Variants in SETBP1 observed in about 807,000 individuals in gnomAD.
The protein encoded by SETBP1 is SET binding protein 1.
A neutral mutation model predicts 101.0 loss-of-function variants in SETBP1; 9 were observed. The ratio of observed to expected loss-of-function variants is 0.09; its 90% CI spans 0.05 to 0.16. The LOEUF (loss-of-function observed/expected upper bound fraction) is 0.16, where lower values mean the gene tolerates loss of function less well. SETBP1 is among the 10% of genes least tolerant of loss of function. The probability of loss-of-function intolerance (pLI) is 1.00; values close to 1 mark genes in which losing one functional copy is unlikely to be tolerated. For synonymous variants in SETBP1, 818 were observed against 788.5 expected, an observed-to-expected ratio of 1.04 and a Z score of -0.63; for missense variants, 1,858 against 2,033.8, an observed-to-expected ratio of 0.91 and a Z score of 1.66.
intron 3 of SETBP1, among the ~76,000 whole-genome samples, chr18:44,874,005 C>G (rs1417457160): frequency 6.6e-6 from 1 of 152,202 alleles, no homozygotes; most frequent in African/African-American, 2.4e-5. Flanking sequence ...ACAGTCAGCT[C>G]TGCACCCCAG....
intron 2 of SETBP1, among the ~76,000 whole-genome samples, chr18:44,814,029 C>G (rs2071920883): frequency 6.6e-6 from 1 of 152,130 alleles, no homozygotes; most frequent in Admixed American, 6.5e-5. Context: ...GGCCCTTGCC[C>G]TCCAGAAACC....
At chr18:45,023,151 T>G (rs1163055756) in intron 4 of SETBP1, among the ~76,000 whole-genome samples, 1 of 152,242 alleles carries the variant, frequency 6.6e-6, no homozygotes, top group Non-Finnish European at 1.5e-5. Flanking sequence ...TTGTGGTATC[T>G]ATGTTAACAT....
chr18:44,720,752 G>A (rs1030981644), intron 2 of SETBP1, among the ~76,000 whole-genome samples: 2 of 152,170 alleles, frequency 1.3e-5, no homozygotes, highest in African/African-American at 4.8e-5. Flanking sequence ...CTTGAACACT[G>A]TGCAGAGGGC....
chr18:44,963,977 C>A (rs1047816871), intron 4 of SETBP1, among the ~76,000 whole-genome samples: 3 of 90,088 alleles, frequency 3.3e-5, no homozygotes, highest in South Asian at 3.3e-4. Flanking sequence ...ATTAAGAGAT[C>A]CATGAAAAAA....
chr18:44,836,548 C>T (rs190625533), intron 2 of SETBP1, among the ~76,000 whole-genome samples: 2 of 152,358 alleles, frequency 1.3e-5, no homozygotes, highest in Admixed American at 1.3e-4. Flanking sequence ...TGAGTTCTGA[C>T]TCTTCCCTAG....
chr18:45,029,242 T>C (rs2073237749), intron 4 of SETBP1, among the ~76,000 whole-genome samples: 1 of 152,172 alleles, frequency 6.6e-6, no homozygotes, highest in Non-Finnish European at 1.5e-5. Context: ...CTAGCCAGTT[T>C]TCCCAGCACC....
intron 1 of SETBP1, among the ~76,000 whole-genome samples, chr18:44,687,800 T>A (rs1049986672): frequency 1.3e-5 from 2 of 151,976 alleles, no homozygotes; most frequent in Admixed American, 6.6e-5. Context: ...CTGGATGTCA[T>A]TTCTCCATGT....
At chr18:44,711,875 C>A (rs1774860135) in intron 2 of SETBP1, among the ~76,000 whole-genome samples, 1 of 152,068 alleles carries the variant, frequency 6.6e-6, no homozygotes, top group Non-Finnish European at 1.5e-5. Flanking sequence ...TTCCATAATA[C>A]CCCAGTGGAT....
intron 4 of SETBP1, among the ~76,000 whole-genome samples, chr18:44,962,672 G>A (rs1457224480): frequency 2.0e-5 from 3 of 152,226 alleles, no homozygotes; most frequent in African/African-American, 7.2e-5. Flanking sequence ...TAAGCTGCAT[G>A]TTGTAAATGC....
chr18:44,837,477 C>T (rs951302551), intron 2 of SETBP1, among the ~76,000 whole-genome samples: 1 of 152,092 alleles, frequency 6.6e-6, no homozygotes, highest in Non-Finnish European at 1.5e-5. Flanking sequence ...TATTTGATAA[C>T]GGATACAGGA....
chr18:44,703,397 C>CTTTTTTTTTTTTTTTTTTTTT (rs2069156147), intron 2 of SETBP1, among the ~76,000 whole-genome samples: 2 of 38,278 alleles, frequency 5.2e-5, no homozygotes, highest in Non-Finnish European at 1.0e-4. Flanking sequence ...TTTTTTTTAG[C>CTTTTTTTTTTTTTTTTTTTTT]TTTGGGGCAG....
intron 2 of SETBP1, among the ~76,000 whole-genome samples, chr18:44,868,704 A>AG (rs2069190789): frequency 1.0e-3 from 7 of 6,934 alleles, no homozygotes; most frequent in East Asian, 6.0e-3. Context: ...GAGAGGACGG[A>AG]AGGAAGGGAG....
At chr18:44,938,783 C>T (rs187091475) in intron 3 of SETBP1, among the ~76,000 whole-genome samples, 2 of 152,290 alleles carry the variant, frequency 1.3e-5, no homozygotes, top group East Asian at 3.9e-4. Context: ...GCCACCAGCA[C>T]CTGTCTTCTT....
At chr18:45,010,104 C>T (rs1163622325) in intron 4 of SETBP1, among the ~76,000 whole-genome samples, 4 of 152,282 alleles carry the variant, frequency 2.6e-5, no homozygotes, top group East Asian at 3.9e-4. Flanking sequence ...TTACTCCATG[C>T]GCTCTCCTGC....
intron 2 of SETBP1, among the ~76,000 whole-genome samples, chr18:44,717,835 A>G (rs2069499948): frequency 6.6e-6 from 1 of 152,230 alleles, no homozygotes. Context: ...ATAGAAGGTC[A>G]GAGAGGTTGA....
chr18:44,798,821 C>T (rs1299289470), intron 2 of SETBP1, among the ~76,000 whole-genome samples: 1 of 152,180 alleles, frequency 6.6e-6, no homozygotes, highest in Non-Finnish European at 1.5e-5. Flanking sequence ...ATAACTCTCG[C>T]TTATCTCCTA....
chr18:44,829,652 T>C lies in SETBP1; in HGVS notation c.487-39578T>C, dbSNP rs537373658. Among the ~76,000 whole-genome samples, 29 of 152,322 alleles carry C rather than the reference T, an allele frequency of 1.9e-4. No individual in the cohort carries two copies. In the South Asian group the frequency reaches 5.6e-3, roughly 29 times the overall value. ...TAAAAAATGTGGGAAAGGAACCTTATAGTAGAAATTAGTGGTCTGGTGCAA... is the reference window on the plus strand; with the variant it reads ...TAAAAAATGTGGGAAAGGAACCTTACAGTAGAAATTAGTGGTCTGGTGCAA... On this transcript the variant is annotated intron_variant, in intron 2 of 5. Transcript: ENST00000649279.
chr18:44,942,017 A>G (rs529297066), intron 3 of SETBP1, among the ~76,000 whole-genome samples: 78 of 152,170 alleles, frequency 5.1e-4, no homozygotes, highest in African/African-American at 1.8e-3. Flanking sequence ...GATATTGTGG[A>G]TGCTATATAA....
chr18:44,747,698 A>T (rs2070288990), intron 2 of SETBP1, among the ~76,000 whole-genome samples: 1 of 152,240 alleles, frequency 6.6e-6, no homozygotes, highest in Non-Finnish European at 1.5e-5. Flanking sequence ...GAATGTTAAG[A>T]GGTGTTAGAG....
Sources: gnomAD v4.1 joint callset for allele counts (sites outside exome capture counted in the v4.1 genomes callset) on GRCh38, gnomAD v4.1.1 for gene constraint, MANE v1.5 for transcripts, NCBI Gene and HGNC (gene_info 2026-07-23, HGNC 2026-07-21) for gene names.